MAGI1: variants seen among roughly 807,000 people sequenced by gnomAD.
MAGI1 encodes membrane-associated guanylate kinase, WW and PDZ domain-containing protein 1.
In MAGI1, 58 loss-of-function variants were observed where a neutral mutation model predicts 139.9. The observed-to-expected ratio is 0.41, with a 90% CI of 0.34 to 0.52. The LOEUF is 0.52. MAGI1 is among the 20% of genes least tolerant of loss of function. MAGI1 has a pLI of 0.12. For missense variants in MAGI1, 1,874 were observed against 1,901.6 expected, an observed-to-expected ratio of 0.99 and a Z score of 0.27; for synonymous variants, 812 against 737.9, an observed-to-expected ratio of 1.10 and a Z score of -1.63.
chr3:65,786,421 C>A (rs2039384551), intron 1 of MAGI1, among the ~76,000 whole-genome samples: 1 of 151,844 alleles, frequency 6.6e-6, no homozygotes. Flanking sequence ...ATCCTCCCAC[C>A]TCGGCTTCCC....
chr3:65,695,625 T>C lies in MAGI1; in HGVS notation c.314-73537A>G, dbSNP rs58370999. On this transcript the variant is annotated intron_variant, in intron 1 of 22. Coordinates refer to ENST00000402939, the MANE Select transcript of MAGI1 (RefSeq NM_001033057.2). Reference sequence around the variant, plus strand: ...ACTTGCTTTTTTTATGCTCAGTAGGTATTGCTGGGGGATGAATGAATCTAC... The same window carrying C: ...ACTTGCTTTTTTTATGCTCAGTAGGCATTGCTGGGGGATGAATGAATCTAC... Among the ~76,000 whole-genome samples the C allele has an allele frequency of 7.4e-3, 1,127 of 152,264 alleles. 8 individuals carry two copies. Among genetic ancestry groups the C allele is most frequent in the African/African-American group, 0.026 (1,092 of 41,556 alleles).
intron 1 of MAGI1, among the ~76,000 whole-genome samples, chr3:65,918,473 C>A (rs538736403): frequency 1.3e-5 from 2 of 148,880 alleles, no homozygotes; most frequent in East Asian, 4.1e-4. Flanking sequence ...CTCTGCTTCC[C>A]AGGTTCAAGC....
intron 1 of MAGI1, among the ~76,000 whole-genome samples, chr3:65,986,292 T>C (rs2065875367): frequency 6.6e-6 from 1 of 152,364 alleles, no homozygotes; most frequent in East Asian, 1.9e-4. Flanking sequence ...GATTGTCTTA[T>C]CTTAGTAGAA....
intron 1 of MAGI1, among the ~76,000 whole-genome samples, chr3:65,896,123 C>T (rs1020886589): frequency 2.0e-5 from 3 of 152,108 alleles, no homozygotes; most frequent in Admixed American, 6.5e-5. Flanking sequence ...CCACCCACTG[C>T]GGTATTTTTC....
chr3:65,657,602 A>G (rs1010221499), intron 1 of MAGI1, among the ~76,000 whole-genome samples: 3 of 152,134 alleles, frequency 2.0e-5, no homozygotes, highest in African/African-American at 7.2e-5. Flanking sequence ...CTGTTAAAGG[A>G]GTCAGTAAGT....
At chr3:65,721,789 T>C (rs1422623404) in intron 1 of MAGI1, among the ~76,000 whole-genome samples, 1 of 152,164 alleles carries the variant, frequency 6.6e-6, no homozygotes. Flanking sequence ...CTGCCTCAGT[T>C]GGTTTCCTTA....
intron 1 of MAGI1, among the ~76,000 whole-genome samples, chr3:66,011,193 C>T (rs1308310636): frequency 6.6e-6 from 1 of 152,206 alleles, no homozygotes; most frequent in East Asian, 1.9e-4. Flanking sequence ...GCCAATTCAG[C>T]TAACTTCAAG....
intron 1 of MAGI1, among the ~76,000 whole-genome samples, chr3:65,936,752 G>A (rs893889746): frequency 6.6e-6 from 1 of 152,076 alleles, no homozygotes; most frequent in African/African-American, 2.4e-5. Context: ...TGTGTGTGTA[G>A]ACAGGGTCTC....
At chr3:65,753,697 CA>C (rs35459634) in intron 1 of MAGI1, among the ~76,000 whole-genome samples, 13,915 of 104,104 alleles carry the variant, frequency 0.13, 1,638 homozygotes, top group African/African-American at 0.36. Context: ...AACTCCATCT[CA>C]AAAAAAAAAA....
intron 1 of MAGI1, among the ~76,000 whole-genome samples, chr3:65,631,908 C>T (rs1454120278): frequency 6.6e-6 from 1 of 151,762 alleles, no homozygotes; most frequent in African/African-American, 2.4e-5. Flanking sequence ...ACCTGTAATC[C>T]CAGCTACTTG....
intron 1 of MAGI1, among the ~76,000 whole-genome samples, chr3:65,709,482 T>G (rs2030992817): frequency 6.6e-6 from 1 of 152,216 alleles, no homozygotes; most frequent in Non-Finnish European, 1.5e-5. Context: ...AGCCACTGAA[T>G]AGAGCAAGAT....
At chr3:65,683,589 A>G (rs1009581291) in intron 1 of MAGI1, among the ~76,000 whole-genome samples, 8 of 152,046 alleles carry the variant, frequency 5.3e-5, no homozygotes, top group Non-Finnish European at 1.2e-4. Flanking sequence ...TCCAAAGTCA[A>G]TATTGAAAAC....
At chr3:65,787,888 A>C (rs1455754237) in intron 1 of MAGI1, among the ~76,000 whole-genome samples, 1 of 152,136 alleles carries the variant, frequency 6.6e-6, no homozygotes, top group African/African-American at 2.4e-5. Context: ...AGTAAGAGAG[A>C]GCTCAGGATG....
chr3:65,942,518 G>A (rs915688935), intron 1 of MAGI1, among the ~76,000 whole-genome samples: 2 of 152,070 alleles, frequency 1.3e-5, no homozygotes, highest in African/African-American at 4.8e-5. Context: ...AATATAAAAG[G>A]GTTGGCTCCC....
chr3:65,726,531 G>GC (rs2033626853), intron 1 of MAGI1, among the ~76,000 whole-genome samples: 1 of 152,158 alleles, frequency 6.6e-6, no homozygotes, highest in African/African-American at 2.4e-5. Flanking sequence ...TCAAGTTTCT[G>GC]CAGCATTCAC....
At chr3:65,884,336 G>GATAC (rs1431666257) in intron 1 of MAGI1, among the ~76,000 whole-genome samples, 1 of 152,184 alleles carries the variant, frequency 6.6e-6, no homozygotes, top group Non-Finnish European at 1.5e-5. Context: ...ACTCATTACT[G>GATAC]ATACACAAGG....
At chr3:65,453,770 T>C (rs913359384) in intron 5 of MAGI1, among the ~76,000 whole-genome samples, 18 of 152,174 alleles carry the variant, frequency 1.2e-4, no homozygotes, top group Non-Finnish European at 2.2e-4. Context: ...TCATTCATTA[T>C]ATTACATAAG....
At chr3:65,674,458 T>G (rs1185571877) in intron 1 of MAGI1, among the ~76,000 whole-genome samples, 1 of 152,122 alleles carries the variant, frequency 6.6e-6, no homozygotes, top group Admixed American at 6.6e-5. Context: ...GGGAACTATA[T>G]TTTTAGGAAA....
intron 1 of MAGI1, 130 bp from the exon 2 acceptor site, chr3:65,622,218 T>C (rs775461104): frequency 6.7e-5 from 48 of 719,032 alleles, no homozygotes; most frequent in Non-Finnish European, 1.2e-4. Context: ...ATTAGGAGGA[T>C]GTACTTTAGG....
Sources: gnomAD v4.1 joint callset for allele counts (sites outside exome capture counted in the v4.1 genomes callset) on GRCh38, gnomAD v4.1.1 for gene constraint, MANE v1.5 for transcripts, NCBI Gene and HGNC (gene_info 2026-07-23, HGNC 2026-07-21) for gene names.